Variants in PLSCR2 observed in about 807,000 individuals in gnomAD.
PLSCR2 encodes the protein phospholipid scramblase 2, also known as PL scramblase 2.
PLSCR2 carries 18 observed loss-of-function variants against 25.3 expected under a neutral mutation model. That is an observed-to-expected ratio of 0.71 (90% CI 0.49 to 1.06). The LOEUF (loss-of-function observed/expected upper bound fraction) is 1.06, where lower values mean the gene tolerates loss of function less well. PLSCR2 is among the 50% of genes least tolerant of loss of function. PLSCR2 has a pLI of 0.00. For missense variants in PLSCR2, 243 were observed against 269.5 expected (o/e 0.90, Z 0.69); for synonymous variants, 88 against 87.3 (o/e 1.01, Z -0.04).
chr3:146,442,852 G>C (rs1254614637), intron 6 of PLSCR2, among the ~76,000 whole-genome samples: 1 of 151,870 alleles, frequency 6.6e-6, no homozygotes, highest in Non-Finnish European at 1.5e-5. Context: ...ACTGTAAAAC[G>C]ACTAGAAGAA....
chr3:146,396,223 A>G (rs1254355521), intron 2 of PLSCR2, among the ~76,000 whole-genome samples: 1 of 152,202 alleles, frequency 6.6e-6, no homozygotes, highest in Non-Finnish European at 1.5e-5. Flanking sequence ...ATTTCATTAT[A>G]AAATGAAAAC....
At chr3:146,413,948 A>AAT (rs1488954509) in intron 2 of PLSCR2, among the ~76,000 whole-genome samples, 8 of 152,320 alleles carry the variant, frequency 5.3e-5, no homozygotes, top group African/African-American at 1.7e-4. Flanking sequence ...CAGACTGGGT[A>AAT]ATATATAAAG....
At chr3:146,454,060 A>T (rs777448596) in exon 5 of PLSCR2, 1 of 1,610,288 alleles carries the variant, frequency 6.2e-7, no homozygotes, top group South Asian at 1.1e-5. Context: ...AATTTTTAGT[A>T]CATCCTCTCT....
intron 2 of PLSCR2, among the ~76,000 whole-genome samples, chr3:146,425,114 A>G (rs2039296679): frequency 6.6e-6 from 1 of 152,092 alleles, no homozygotes; most frequent in African/African-American, 2.4e-5. Flanking sequence ...ATAGTGCCTG[A>G]TAAGTGCTTA....
chr3:146,435,974 T>A (rs547319481), intron 8 of PLSCR2, among the ~76,000 whole-genome samples: 1 of 152,344 alleles, frequency 6.6e-6, no homozygotes, highest in East Asian at 1.9e-4. Flanking sequence ...GGGATGCAGT[T>A]TCAGCTTTCT....
At chr3:146,458,563 A>C in intron 2 of PLSCR2, 110 bp from the exon 3 acceptor site, 1 of 713,988 alleles carries the variant, frequency 1.4e-6, no homozygotes, top group Non-Finnish European at 2.0e-6. Context: ...GACATTTATC[A>C]ATATCAAATT....
intron 1 of PLSCR2, among the ~76,000 whole-genome samples, chr3:146,471,026 A>G (rs2042099060): frequency 8.1e-6 from 1 of 123,458 alleles, no homozygotes; most frequent in Non-Finnish European, 1.7e-5. Flanking sequence ...ATACACAGCT[A>G]CACAGTGTTT....
At chr3:146,432,558 A>T (rs1277213265), downstream of PLSCR2, among the ~76,000 whole-genome samples, 4 of 152,194 alleles carry the variant, frequency 2.6e-5, no homozygotes, top group Non-Finnish European at 5.9e-5. Context: ...GAAGGAAAAA[A>T]TTCCTGCAGT....
At chr3:146,408,299 G>A (rs1014241995) in intron 2 of PLSCR2, among the ~76,000 whole-genome samples, 9 of 152,146 alleles carry the variant, frequency 5.9e-5, no homozygotes, top group African/African-American at 2.2e-4. Flanking sequence ...TGGCTTTCGT[G>A]GACAAACAGG....
chr3:146,453,566 C>A (rs555736837), intron 5 of PLSCR2, among the ~76,000 whole-genome samples: 2 of 151,920 alleles, frequency 1.3e-5, no homozygotes, highest in South Asian at 2.1e-4. Flanking sequence ...ACTATCTTTG[C>A]CAAATTGGGC....
intron 1 of PLSCR2, among the ~76,000 whole-genome samples, chr3:146,466,557 A>G (rs1222905685): frequency 4.6e-5 from 7 of 152,246 alleles, no homozygotes. Flanking sequence ...GTGTTCTACA[A>G]AACTAACAAG....
intron 2 of PLSCR2, among the ~76,000 whole-genome samples, chr3:146,424,705 A>G (rs776052520): frequency 3.3e-5 from 5 of 152,096 alleles, no homozygotes; most frequent in Non-Finnish European, 5.9e-5. Context: ...TGGCAGTCTG[A>G]GTAGTGTGCG....
intron 2 of PLSCR2, among the ~76,000 whole-genome samples, chr3:146,459,379 C>A (rs948458304): frequency 1.3e-5 from 2 of 152,094 alleles, no homozygotes; most frequent in Non-Finnish European, 2.9e-5. Flanking sequence ...AGCGCAGAAT[C>A]CAGAATCAGG....
intron 2 of PLSCR2, among the ~76,000 whole-genome samples, chr3:146,417,373 A>G (rs894397944): frequency 1.3e-5 from 2 of 151,850 alleles, no homozygotes; most frequent in Non-Finnish European, 2.9e-5. Context: ...ACATGTAGAC[A>G]AGAGACAAAT....
At chr3:146,422,742 G>C (rs1243048233) in intron 2 of PLSCR2, among the ~76,000 whole-genome samples, 3 of 152,060 alleles carry the variant, frequency 2.0e-5, no homozygotes, top group African/African-American at 7.2e-5. Context: ...TTGTTCATTT[G>C]TAGAACAAAT....
At chr3:146,486,371 G>A (rs1292609919) in intron 1 of PLSCR2, among the ~76,000 whole-genome samples, 1 of 141,548 alleles carries the variant, frequency 7.1e-6, no homozygotes, top group Non-Finnish European at 1.5e-5. Context: ...AAAAATCAAT[G>A]AATCCAGGAG....
intron 1 of PLSCR2, chr3:146,495,050 C>G (rs1040163471): frequency 6.6e-5 from 10 of 151,994 alleles, no homozygotes; most frequent in African/African-American, 2.2e-4. Context: ...AGAGGAATGG[C>G]AGGAATAGTT....
At chr3:146,453,834 C>A (rs1467110534) in intron 5 of PLSCR2, among the ~76,000 whole-genome samples, 168 bp downstream of exon 5, 2 of 152,036 alleles carry the variant, frequency 1.3e-5, no homozygotes, top group Admixed American at 1.3e-4. Flanking sequence ...CAATATTGAC[C>A]TTTAGTCAGT....
At chr3:146,483,467 A>ACG (rs2043215626) in intron 1 of PLSCR2, among the ~76,000 whole-genome samples, 1 of 56,122 alleles carries the variant, frequency 1.8e-5, no homozygotes, top group African/African-American at 8.4e-5. Flanking sequence ...ATATATATAT[A>ACG]TATATACATG....
Sources: allele counts gnomAD v4.1 joint callset (sites outside exome capture counted in the v4.1 genomes callset), GRCh38; gene constraint gnomAD v4.1.1; transcripts MANE v1.5; gene names NCBI Gene and HGNC (gene_info 2026-07-23, HGNC 2026-07-21).